Variants in KDM2B observed in about 807,000 individuals in gnomAD.
The protein encoded by KDM2B is lysine demethylase 2B, also known as lysine-specific demethylase 2B.
A neutral mutation model predicts 150.0 loss-of-function variants in KDM2B; 26 were observed. The ratio of observed to expected loss-of-function variants is 0.17; its 90% confidence interval spans 0.13 to 0.24. The LOEUF is 0.24. Ranked by LOEUF, KDM2B falls within the 10% of genes least tolerant of loss-of-function variation. The probability of loss-of-function intolerance (pLI) is 1.00; values close to 1 mark genes in which losing one functional copy is unlikely to be tolerated. For synonymous variants in KDM2B, 734 were observed against 729.5 expected (o/e 1.01, Z -0.10); for missense variants, 1,265 against 1,816.9 (o/e 0.70, Z 5.52).
At chr12:121,510,201 G>A (rs566465989) in intron 10 of KDM2B, among the ~76,000 whole-genome samples, 162 bp from the exon 11 acceptor site, 10 of 152,308 alleles carry the variant, frequency 6.6e-5, no homozygotes, top group East Asian at 3.9e-4. Flanking sequence ...CGTGGGGGAC[G>A]CAGGTTCAGA....
chr12:121,439,662 G>A (rs1354653314), intron 22 of KDM2B, among the ~76,000 whole-genome samples, 195 bp downstream of exon 22: 3 of 152,182 alleles, frequency 2.0e-5, no homozygotes, highest in African/African-American at 7.2e-5. Context: ...TTACGGGCGT[G>A]AGCTACCGCA....
At position 121,579,974 on chromosome 12, in the gene KDM2B, C is replaced by T. The variant is rs781809013; in HGVS notation, c.126+812G>A. ...AAAAAAAAAAAAGATCTATCATATGCCAGATACAGATTTGGAAAAAAAAAA... is the reference window on the plus strand; with the variant it reads ...AAAAAAAAAAAAGATCTATCATATGTCAGATACAGATTTGGAAAAAAAAAA... On this transcript the variant is annotated intron_variant, in intron 1 of 22. Coordinates refer to ENST00000377071, the MANE Select transcript of KDM2B (RefSeq NM_032590.5). 3 of 1,472,186 alleles carry T rather than the reference C, an allele frequency of 2.0e-6. No individual in the cohort carries two copies. The African/African-American group carries it at 4.5e-5, about 22-fold the overall frequency. 91.2% of individuals were successfully genotyped at this position (1,472,186 alleles called of 1,614,324 possible). A position where few individuals can be genotyped will look rare whatever the true frequency, so the allele number is the denominator to read the frequency against.
At chr12:121,410,515 C>T in the KDM2B span, among the ~76,000 whole-genome samples, 1 of 144,884 alleles carries the variant, frequency 6.9e-6, no homozygotes, top group African/African-American at 2.6e-5. Flanking sequence ...CCATCCTGGG[C>T]AACAGAGCAA....
At chr12:121,448,929 G>A (rs1328089257) in intron 13 of KDM2B, among the ~76,000 whole-genome samples, 1 of 152,230 alleles carries the variant, frequency 6.6e-6, no homozygotes, top group African/African-American at 2.4e-5. Context: ...GCTGATTTCT[G>A]GAGGACTTGG....
chr12:121,490,994 G>C (rs1274730175), intron 12 of KDM2B, among the ~76,000 whole-genome samples: 1 of 152,136 alleles, frequency 6.6e-6, no homozygotes, highest in Non-Finnish European at 1.5e-5. Flanking sequence ...TGCATCCAAT[G>C]GGAGGAAGCT....
chr12:121,488,323 G>A (rs1246882163), intron 12 of KDM2B, among the ~76,000 whole-genome samples: 6 of 152,110 alleles, frequency 3.9e-5, no homozygotes, highest in African/African-American at 1.2e-4. Context: ...AAAGCCTTCT[G>A]GGTGGGCAGA....
rs1158389280 is a variant in KDM2B at position 121,537,939 on chromosome 12, TGCGTCCCCTTCGGCTCCCGG to T, written c.684-3369_684-3350del. Among the ~76,000 whole-genome samples the T allele has an allele frequency of 5.3e-5, 8 of 150,412 alleles. No individual in the cohort carries two copies. Among genetic ancestry groups the T allele is most frequent in the African/African-American group, 1.9e-4 (8 of 41,180 alleles). The stretch of plus-strand genomic sequence containing the variant: ...TCGGCGGCGGCGGCGGCGGCTCCCG[TGCGTCCCCTTCGGCTCCCGG>T]GCGTCCCCTTCGGCTGCGGAGGCTC... On this transcript the variant is annotated intron_variant, in intron 6 of 22. Coordinates refer to ENST00000377071, the MANE Select transcript of KDM2B (RefSeq NM_032590.5). The surrounding 1 kb of genome is among the most constrained non-coding windows in gnomAD (Gnocchi z 8.7).
intron 13 of KDM2B, among the ~76,000 whole-genome samples, chr12:121,446,374 G>A (rs1876281571): frequency 6.6e-6 from 1 of 152,146 alleles, no homozygotes; most frequent in Non-Finnish European, 1.5e-5. Flanking sequence ...CTCCAGCCTG[G>A]GCGACAGAGC....
chr12:121,415,767 T>C, the KDM2B span, among the ~76,000 whole-genome samples: 1 of 151,614 alleles, frequency 6.6e-6, no homozygotes, highest in Non-Finnish European at 1.5e-5. Context: ...AAAATTTGAA[T>C]TTCAGATGAA....
rs1263874851 is a variant in KDM2B, at chr12:121,453,743, G to C, written c.1735-399C>G. ...AGGACCCTCCCCTAGAGCCCGCAGA[G>C]CCAGCCCGGCCCGCCAGCCCACACC... On this transcript the variant is annotated intron_variant, in intron 12 of 22. Transcript: ENST00000377071. The surrounding 1 kb of genome is among the most constrained non-coding windows in gnomAD (Gnocchi z 6.4). Among the ~76,000 whole-genome samples, 10 of 152,164 alleles carry C rather than the reference G, an allele frequency of 6.6e-5. No individual in the cohort carries two copies. The highest frequency in any genetic ancestry group is 2.4e-4 in the African/African-American group (10 of 41,430).
At chr12:121,415,314 G>A in the KDM2B span, 3 of 378,910 alleles carry the variant, frequency 7.9e-6, no homozygotes, top group Non-Finnish European at 1.1e-5. Context: ...AGAGGTTTAA[G>A]GAAATGAAGT....
rs1415095212 is a variant in KDM2B at position 121,513,072 on chromosome 12, G to C, written c.1174+204C>G. Among the ~76,000 whole-genome samples the C allele has an allele frequency of 6.6e-6, 1 of 152,242 alleles. No homozygotes were observed. The highest frequency in any genetic ancestry group is 1.5e-5 in the Non-Finnish European group (1 of 68,042). Reference sequence around the variant, plus strand: ...GAGGCCACACACGTGACTCTTTTGGGGATCCGAATTCATTTTCTTGGACTC... The same window carrying C: ...GAGGCCACACACGTGACTCTTTTGGCGATCCGAATTCATTTTCTTGGACTC... On this transcript the variant is annotated intron_variant, in intron 10 of 22. Coordinates refer to ENST00000377071, the MANE Select transcript of KDM2B (RefSeq NM_032590.5). This position sits in a 1 kb window ranked among gnomAD's most constrained non-coding sequence, Gnocchi z 5.0.
In KDM2B at chr12:121,461,918, G is replaced by A. The variant is rs1182111731; in HGVS notation, c.1735-8574C>T. Reference sequence around the variant, plus strand: ...AACCTGCTGAGAAATGGCCAGAAAGGCCAGACAAGCAGTAGGAGGCTGTGG... The same window carrying A: ...AACCTGCTGAGAAATGGCCAGAAAGACCAGACAAGCAGTAGGAGGCTGTGG... On this transcript the variant is annotated intron_variant, in intron 12 of 22. Coordinates refer to ENST00000377071, the MANE Select transcript of KDM2B (RefSeq NM_032590.5). 2.6e-5 allele frequency among the ~76,000 whole-genome samples: 4 copies of A among 152,324 alleles called. No homozygotes were observed. The East Asian group carries it at 7.7e-4, about 29-fold the overall frequency.
At chr12:121,416,086 A>C in the KDM2B span, 1 of 1,229,508 alleles carries the variant, frequency 8.1e-7, no homozygotes, top group Non-Finnish European at 1.2e-6. Flanking sequence ...TCTCCAGAAT[A>C]GCATTCCCTG....
chr12:121,485,473 A>C (rs571642615), intron 12 of KDM2B, among the ~76,000 whole-genome samples: 1 of 152,234 alleles, frequency 6.6e-6, no homozygotes, highest in East Asian at 1.9e-4. Flanking sequence ...TCTGGGATCC[A>C]ACCTCTTCGT....
At chr12:121,446,121 C>T (rs536206647) in intron 13 of KDM2B, among the ~76,000 whole-genome samples, 25 of 152,312 alleles carry the variant, frequency 1.6e-4, no homozygotes, top group South Asian at 4.1e-4. Context: ...CCAGGCCGGG[C>T]GCGGTGGCTC....
Position 121,467,263 on chromosome 12 carries a change from GCCGCCGCCGCC to G in KDM2B, c.1735-13930_1735-13920del. 1 of 984,770 alleles carries G rather than the reference GCCGCCGCCGCC, an allele frequency of 1.0e-6. No individual in the cohort carries two copies. Among genetic ancestry groups the G allele is most frequent in the Non-Finnish European group, 1.2e-6 (1 of 831,190 alleles). 61.0% of individuals were successfully genotyped at this position (984,770 alleles called of 1,614,324 possible). On this transcript the variant is annotated intron_variant, in intron 12 of 22. Coordinates refer to ENST00000377071, the MANE Select transcript of KDM2B (RefSeq NM_032590.5). The surrounding 1 kb of genome is among the most constrained non-coding windows in gnomAD (Gnocchi z 5.1). The stretch of plus-strand genomic sequence containing the variant: ...GCGCTGACATGGCTGGAGCGGCGCC[GCCGCCGCCGCC>G]CGCCCGGAGCAGGCTCGGCTCGCCC...
chr12:121,422,950 G>C, the KDM2B span, among the ~76,000 whole-genome samples: 1 of 152,152 alleles, frequency 6.6e-6, no homozygotes, highest in Non-Finnish European at 1.5e-5. Flanking sequence ...ACTGAGATGA[G>C]GCTCCAGAGA....
intron 4 of KDM2B, among the ~76,000 whole-genome samples, chr12:121,571,574 G>A (rs757234793): frequency 5.9e-5 from 9 of 151,358 alleles, no homozygotes; most frequent in Admixed American, 2.0e-4. Flanking sequence ...GATTACAGGC[G>A]TGAGCCACCG....
Sources: gnomAD v4.1 joint callset for allele counts (sites outside exome capture counted in the v4.1 genomes callset) on GRCh38, gnomAD v4.1.1 for gene constraint, Gnocchi (gnomAD v3.1) non-coding constraint, MANE v1.5 for transcripts, NCBI Gene and HGNC (gene_info 2026-07-23, HGNC 2026-07-21) for gene names.